AADACL4: variants seen among roughly 807,000 people sequenced by gnomAD.
The protein encoded by AADACL4 is arylacetamide deacetylase-like 4.
Under a neutral mutation model 14.1 loss-of-function variants are expected in AADACL4, and 9 were observed. The observed-to-expected ratio is 0.64, with a 90% CI of 0.39 to 1.12. The LOEUF (loss-of-function observed/expected upper bound fraction) is 1.12, where lower values mean the gene tolerates loss of function less well. Among genes scored for constraint, AADACL4 ranks in the 50% most tolerant of loss-of-function variants. The pLI is 0.01. For missense variants in AADACL4, 531 were observed against 516.1 expected, an observed-to-expected ratio of 1.03 and a Z score of -0.28; for synonymous variants, 188 against 201.6, an observed-to-expected ratio of 0.93 and a Z score of 0.57.
chr1:12,647,231 C>T (rs1484028012), intron 1 of AADACL4, among the ~76,000 whole-genome samples: 1 of 151,870 alleles, frequency 6.6e-6, no homozygotes, highest in Non-Finnish European at 1.5e-5. Context: ...GTAGCTCGGA[C>T]CACAGGCGTG....
chr1:12,664,068 G>A (rs1647272112), intron 3 of AADACL4, among the ~76,000 whole-genome samples: 2 of 152,262 alleles, frequency 1.3e-5, no homozygotes, highest in Non-Finnish European at 2.9e-5. Context: ...TGGTTCTTTT[G>A]AACCCTAGAG....
intron 2 of AADACL4, among the ~76,000 whole-genome samples, chr1:12,660,485 A>G (rs1202498138): frequency 6.6e-6 from 1 of 152,120 alleles, no homozygotes. Flanking sequence ...ATGCTTGGGA[A>G]AGGAGGAATG....
chr1:12,645,040 A>C (rs1389471530), intron 1 of AADACL4, among the ~76,000 whole-genome samples: 114 of 84,044 alleles, frequency 1.4e-3, no homozygotes, highest in Middle Eastern at 0.013. Flanking sequence ...CTTCCTCCCT[A>C]TCTCCTTCAT....
chr1:12,665,057 C>G (rs1184308794), intron 3 of AADACL4, among the ~76,000 whole-genome samples: 2 of 152,028 alleles, frequency 1.3e-5, no homozygotes, highest in African/African-American at 4.8e-5. Flanking sequence ...CACTCCCTGC[C>G]CCTCTTGCCT....
At chr1:12,644,969 TTTC>T (rs1647100918) in intron 1 of AADACL4, among the ~76,000 whole-genome samples, 1 of 145,000 alleles carries the variant, frequency 6.9e-6, no homozygotes, top group South Asian at 2.4e-4. Flanking sequence ...CCTCCTTTCC[TTTC>T]TTTTTTCCTT....
Position 12,666,214 on chromosome 1 carries a change from T to C in AADACL4, c.703T>C (p.Phe235Leu). 1 of 1,614,256 alleles carries C rather than the reference T, an allele frequency of 6.2e-7. No individual in the cohort carries two copies. Among genetic ancestry groups the C allele is most frequent in the Non-Finnish European group, 8.5e-7 (1 of 1,180,050 alleles). ...GGCATTCTGTTTGCAGTTGCCATCC[T>C]TTCAGCAGAACCAAAATGTCCCATT... Reference protein sequence around the residue: ...VQAFCLQLPSFQQNQNVPLLS... With the variant: ...VQAFCLQLPSLQQNQNVPLLS... Residue 235 changes from phenylalanine (F) to leucine (L), a missense_variant, in exon 4 of 4, where the codon TTT (phenylalanine) becomes CTT (leucine). Transcript: ENST00000376221.
At chr1:12,658,798 C>A (rs180768666) in intron 2 of AADACL4, among the ~76,000 whole-genome samples, 1 of 151,970 alleles carries the variant, frequency 6.6e-6, no homozygotes, top group Non-Finnish European at 1.5e-5. Flanking sequence ...CTGGTCTCCA[C>A]CCCCGGCTTC....
At chr1:12,656,900 G>A (rs1311521910) in intron 2 of AADACL4, among the ~76,000 whole-genome samples, 1 of 152,098 alleles carries the variant, frequency 6.6e-6, no homozygotes, top group Non-Finnish European at 1.5e-5. Flanking sequence ...CAGCACTTTG[G>A]GAGGTTGAGG....
chr1:12,657,278 G>C, intron 2 of AADACL4, among the ~76,000 whole-genome samples: 1 of 152,122 alleles, frequency 6.6e-6, no homozygotes, highest in East Asian at 1.9e-4. Context: ...GCAGCAGGGA[G>C]GCAGGCTGTA....
Position 12,666,247 on chromosome 1 carries a change from C to T in AADACL4, c.736C>T (p.Arg246Trp), listed in dbSNP as rs752590120. The change falls in exon 4 of 4, where the codon CGG (arginine) becomes TGG (tryptophan). Residue 246 changes from arginine to tryptophan, a missense_variant. Transcript: ENST00000376221. Reference sequence around the variant, plus strand: ...GAACCAAAATGTCCCATTACTTTCCCGGAAGTTCATGGTGACTTCTCTGTG... The same window carrying T: ...GAACCAAAATGTCCCATTACTTTCCTGGAAGTTCATGGTGACTTCTCTGTG... ...QQNQNVPLLS[R>W]KFMVTSLCNY... 2.5e-5 allele frequency: 40 copies of T among 1,614,122 alleles called. No homozygotes were observed. The highest frequency in any genetic ancestry group is 6.7e-5 in the East Asian group (3 of 44,898).
chr1:12,659,044 A>C (rs1167493850), intron 2 of AADACL4, among the ~76,000 whole-genome samples: 2 of 152,258 alleles, frequency 1.3e-5, no homozygotes, highest in East Asian at 3.8e-4. Context: ...CTTGCGAATG[A>C]ACAAATGGAT....
intron 3 of AADACL4, among the ~76,000 whole-genome samples, chr1:12,662,561 G>A (rs957012822): frequency 5.3e-5 from 8 of 152,222 alleles, no homozygotes; most frequent in African/African-American, 1.9e-4. Flanking sequence ...CATCTTTAGA[G>A]TGGATGGAGG....
chr1:12,645,893 CAG>C (rs1310736264), intron 1 of AADACL4, among the ~76,000 whole-genome samples: 6 of 152,186 alleles, frequency 3.9e-5, no homozygotes, highest in Non-Finnish European at 7.3e-5. Context: ...GTCCCACTCA[CAG>C]AGCCTGGTAT....
In AADACL4 at chr1:12,644,571, C is replaced by T. The variant is rs77836745; in HGVS notation, c.25C>T (p.Leu9Phe). The T allele has an allele frequency of 1.2e-6, 2 of 1,614,134 alleles. No individual in the cohort carries two copies. The highest frequency in any genetic ancestry group is 2.2e-5 in the East Asian group (1 of 44,872). ...CATGGCTGTCCCCTGGCTAGTGCTA[C>T]TCTTGGCATTGCCCATCTTTTTCCT... is the stretch of plus-strand genomic sequence containing the variant. MAVPWLVL[L>F]LALPIFFLGV... is the part of the protein sequence containing the mutation. The change falls in exon 1 of 4, where the codon CTC (leucine) becomes TTC (phenylalanine). Residue 9 changes from leucine to phenylalanine, a missense_variant. By Grantham distance (22) the Leu-to-Phe change is conservative. Coordinates refer to ENST00000376221, the MANE Select transcript of AADACL4 (RefSeq NM_001013630.2).
chr1:12,656,887 T>C (rs1426499643), intron 2 of AADACL4, among the ~76,000 whole-genome samples: 3 of 152,108 alleles, frequency 2.0e-5, no homozygotes, highest in Non-Finnish European at 4.4e-5. Context: ...ATGCTTGGAA[T>C]CCCAGCACTT....
At chr1:12,646,442 G>A (rs112512065) in intron 1 of AADACL4, among the ~76,000 whole-genome samples, 10 of 152,202 alleles carry the variant, frequency 6.6e-5, no homozygotes, top group African/African-American at 1.2e-4. Context: ...TAGAGACACC[G>A]ACAAGTTCAG....
In AADACL4 at chr1:12,666,223, A is replaced by G. The variant is rs1211105420; in HGVS notation, c.712A>G (p.Asn238Asp). Residue 238 changes from asparagine (N) to aspartate (D), a missense_variant, in exon 4 of 4, where the codon AAC (asparagine) becomes GAC (aspartate). By Grantham distance (23) the Asn-to-Asp change is conservative (BLOSUM62 1). Transcript: ENST00000376221. ...TTTGCAGTTGCCATCCTTTCAGCAG[A>G]ACCAAAATGTCCCATTACTTTCCCG... ...FCLQLPSFQQ[N>D]QNVPLLSRKF... The G allele has an allele frequency of 9.9e-6, 16 of 1,614,226 alleles. No individual in the cohort carries two copies. The highest frequency in any genetic ancestry group is 2.2e-5 in the South Asian group (2 of 91,082).
chr1:12,645,069 C>G (rs1287912781), intron 1 of AADACL4, among the ~76,000 whole-genome samples: 2 of 147,270 alleles, frequency 1.4e-5, no homozygotes, highest in African/African-American at 2.5e-5. Context: ...TCCCTTCCTT[C>G]CTTCCCTCCT....
rs139404365 is a variant in AADACL4 at position 12,665,965 on chromosome 1, C to G, written c.454C>G (p.Arg152Gly). ...TESVLLMIGY[R>G]KLPDHHSPAL... ...TGCTCCCTGTTTTCGTTTTAGGTAC[C>G]GCAAGCTTCCTGACCACCATTCCCC... The change falls in exon 4 of 4, where the codon CGC becomes GGC. Residue 152 changes from arginine (R) to glycine (G), a missense_variant. By Grantham distance (125) the Arg-to-Gly change is moderately radical (BLOSUM62 -2). Coordinates refer to ENST00000376221, the MANE Select transcript of AADACL4 (RefSeq NM_001013630.2). 1.9e-6 allele frequency: 3 copies of G among 1,602,448 alleles called. No individual in the cohort carries two copies. The highest frequency in any genetic ancestry group is 1.7e-5 in the Admixed American group (1 of 58,992).
Sources: gnomAD v4.1 joint callset for allele counts (sites outside exome capture counted in the v4.1 genomes callset) on GRCh38, gnomAD v4.1.1 for gene constraint, MANE v1.5 for transcripts, NCBI Gene and HGNC (gene_info 2026-07-23, HGNC 2026-07-21) for gene names.